The following ADAMTS17 variants were observed in gnomAD, a reference collection of about 807,000 sequenced individuals.
The protein encoded by ADAMTS17 is A disintegrin and metalloproteinase with thrombospondin motifs 17.
In ADAMTS17, 113 loss-of-function variants were observed where a neutral mutation model predicts 141.5. That is an observed-to-expected ratio of 0.80 (90% CI 0.69 to 0.93). The LOEUF is 0.93. Among genes scored for constraint, ADAMTS17 ranks in the 40% least tolerant of loss-of-function variants. ADAMTS17 has a pLI of 0.00. For synonymous variants in ADAMTS17, 768 were observed against 630.6 expected (o/e 1.22, Z -3.27); for missense variants, 1,659 against 1,517.9 (o/e 1.09, Z -1.54).
chr15:100,242,675 G>A (rs1002802729), intron 7 of ADAMTS17, among the ~76,000 whole-genome samples: 2 of 152,146 alleles, frequency 1.3e-5, no homozygotes. Flanking sequence ...CCTCCCAGGG[G>A]AGAAGGCAGG....
chr15:100,042,976 GTGTATGTATATA>G (rs2031383191), intron 18 of ADAMTS17, among the ~76,000 whole-genome samples: 2 of 152,160 alleles, frequency 1.3e-5, no homozygotes. Flanking sequence ...ATTTACATGT[GTGTATGTATATA>G]TGTATGTGTA....
intron 8 of ADAMTS17, among the ~76,000 whole-genome samples, chr15:100,167,067 G>A (rs1022092772): frequency 6.6e-6 from 1 of 152,232 alleles, no homozygotes; most frequent in African/African-American, 2.4e-5. Flanking sequence ...CTAAGAGTTT[G>A]AAATGTGCTA....
intron 3 of ADAMTS17, among the ~76,000 whole-genome samples, chr15:100,320,139 G>A (rs1177250546): frequency 2.6e-5 from 4 of 152,226 alleles, no homozygotes; most frequent in South Asian, 4.1e-4. Flanking sequence ...CTGAGAAACC[G>A]ATGACAGGAA....
At chr15:100,060,707 T>C (rs754618674) in intron 15 of ADAMTS17, among the ~76,000 whole-genome samples, 7 of 152,250 alleles carry the variant, frequency 4.6e-5, no homozygotes, top group African/African-American at 9.6e-5. Context: ...CTCGGAGTTC[T>C]GCCAGCTCTG....
chr15:100,031,573 C>A (rs2030167880), intron 18 of ADAMTS17, among the ~76,000 whole-genome samples: 1 of 152,204 alleles, frequency 6.6e-6, no homozygotes, highest in South Asian at 2.1e-4. Context: ...ATTTCCACCC[C>A]TTCATCAACG....
chr15:100,080,437 T>G (rs1442048251), intron 15 of ADAMTS17, among the ~76,000 whole-genome samples: 1 of 152,164 alleles, frequency 6.6e-6, no homozygotes, highest in African/African-American at 2.4e-5. Flanking sequence ...GGGCGTCTCT[T>G]AGTATCACCA....
At chr15:100,024,874 T>C (rs1408107706) in intron 18 of ADAMTS17, among the ~76,000 whole-genome samples, 2 of 152,186 alleles carry the variant, frequency 1.3e-5, no homozygotes, top group Non-Finnish European at 2.9e-5. Flanking sequence ...ACATGTCTAG[T>C]TGCAATGTGA....
chr15:100,102,583 G>A lies in ADAMTS17; in HGVS notation c.2017-6107C>T, dbSNP rs949788260. On this transcript the variant is annotated intron_variant, in intron 14 of 21. Coordinates refer to ENST00000268070, the MANE Select transcript of ADAMTS17 (RefSeq NM_139057.4). The stretch of plus-strand genomic sequence containing the variant: ...GACCGAAGGGGCTCTACATTTGAAG[G>A]CCTACTGAAGGAGATCTACATTTGA... Among the ~76,000 whole-genome samples the A allele has an allele frequency of 4.6e-4, 70 of 150,704 alleles. 1 individual carries two copies. Among genetic ancestry groups the A allele is most frequent in the Non-Finnish European group, 8.6e-4 (58 of 67,348 alleles).
At chr15:100,127,763 G>A (rs1314911761) in intron 12 of ADAMTS17, among the ~76,000 whole-genome samples, 1 of 136,944 alleles carries the variant, frequency 7.3e-6, no homozygotes, top group Non-Finnish European at 1.7e-5. Flanking sequence ...CGTACTTTTA[G>A]TAGAGACAGG....
intron 7 of ADAMTS17, among the ~76,000 whole-genome samples, chr15:100,210,230 CAAAAAAAAA>C (rs34086690): frequency 3.2e-5 from 1 of 31,214 alleles, no homozygotes; most frequent in Non-Finnish European, 5.9e-5. Context: ...GACTCCATCT[CAAAAAAAAA>C]AAAAAAAAAA....
At chr15:100,115,203 G>C (rs758677932) in intron 13 of ADAMTS17, among the ~76,000 whole-genome samples, 2 of 152,192 alleles carry the variant, frequency 1.3e-5, no homozygotes, top group African/African-American at 4.8e-5. Flanking sequence ...AGGGGTCTGC[G>C]TGTGCCTGAC....
At chr15:100,071,657 C>A (rs2033980044) in intron 15 of ADAMTS17, among the ~76,000 whole-genome samples, 1 of 150,424 alleles carries the variant, frequency 6.6e-6, no homozygotes, top group Non-Finnish European at 1.5e-5. Context: ...AAGACAAAAA[C>A]CACATGATTA....
chr15:100,302,202 T>G (rs2045064226), intron 3 of ADAMTS17, among the ~76,000 whole-genome samples: 1 of 152,220 alleles, frequency 6.6e-6, no homozygotes, highest in Non-Finnish European at 1.5e-5. Flanking sequence ...TTCTTTCACT[T>G]TCATGTTCAA....
At chr15:100,110,238 T>TAA (rs1170926125) in intron 13 of ADAMTS17, among the ~76,000 whole-genome samples, 1 of 133,556 alleles carries the variant, frequency 7.5e-6, no homozygotes, top group Admixed American at 7.2e-5. Context: ...TTTATATAAA[T>TAA]ATATATATAT....
chr15:100,071,814 A>G (rs547115512), intron 15 of ADAMTS17, among the ~76,000 whole-genome samples: 5 of 150,616 alleles, frequency 3.3e-5, no homozygotes, highest in African/African-American at 1.2e-4. Flanking sequence ...GAATGGGCAA[A>G]AACTGGAAGC....
At chr15:100,320,362 C>T (rs958933991) in intron 3 of ADAMTS17, among the ~76,000 whole-genome samples, 2 of 152,190 alleles carry the variant, frequency 1.3e-5, no homozygotes, top group African/African-American at 4.8e-5. Flanking sequence ...ACGGGAAATG[C>T]TGCAGAACCC....
Position 99,976,234 on chromosome 15 carries a change from G to T in ADAMTS17, c.2950-12C>A. The T allele has an allele frequency of 6.5e-7, 1 of 1,541,874 alleles. No homozygotes were observed. The highest frequency in any genetic ancestry group is 8.7e-7 in the Non-Finnish European group (1 of 1,146,196). On this transcript the variant is annotated splice_polypyrimidine_tract_variant and intron_variant, in intron 20 of 21. Transcript: ENST00000268070. Reference sequence around the variant, plus strand: ...CAGGTCGACGAGCACTGCAGAGACAGGACAGCCTGAGTGGGGCTGACATGA... The same window carrying T: ...CAGGTCGACGAGCACTGCAGAGACATGACAGCCTGAGTGGGGCTGACATGA...
chr15:100,029,822 G>A (rs536071991), intron 18 of ADAMTS17, among the ~76,000 whole-genome samples: 4 of 152,280 alleles, frequency 2.6e-5, no homozygotes, highest in South Asian at 4.2e-4. Flanking sequence ...AGGGACCTTC[G>A]TTACTATATG....
intron 20 of ADAMTS17, chr15:99,980,818 C>T (rs1398726981): frequency 6.6e-6 from 1 of 152,270 alleles, no homozygotes; most frequent in Non-Finnish European, 1.5e-5. Flanking sequence ...TCGTAAAACT[C>T]AGGCATTTGA....
Sources: gnomAD v4.1 joint callset for allele counts (sites outside exome capture counted in the v4.1 genomes callset) on GRCh38, gnomAD v4.1.1 for gene constraint, MANE v1.5 for transcripts, NCBI Gene and HGNC (gene_info 2026-07-23, HGNC 2026-07-21) for gene names.